Variants in CTNNA2 observed in about 807,000 individuals in gnomAD.
The protein encoded by CTNNA2 is catenin alpha 2.
A neutral mutation model predicts 101.0 loss-of-function variants in CTNNA2; 42 were observed. The ratio of observed to expected loss-of-function variants is 0.42; its 90% confidence interval spans 0.32 to 0.54. CTNNA2 has a LOEUF of 0.54. Ranked by LOEUF, CTNNA2 falls within the 20% of genes least tolerant of loss-of-function variation. The pLI, the probability that CTNNA2 is intolerant of heterozygous loss-of-function variation, is 0.14. For synonymous variants in CTNNA2, 450 were observed against 456.4 expected (o/e 0.99, Z 0.18); for missense variants, 871 against 1,223.1 (o/e 0.71, Z 4.29).
chr2:79,982,330 C>T (rs6741043), intron 7 of CTNNA2, among the ~76,000 whole-genome samples: 52,357 of 128,174 alleles, frequency 0.41, 10,814 homozygotes, highest in East Asian at 0.54. Context: ...ATATAACACA[C>T]ATATAAAACA....
intron 3 of CTNNA2, among the ~76,000 whole-genome samples, chr2:79,351,466 A>G (rs1459529427): frequency 6.6e-6 from 1 of 152,158 alleles, no homozygotes; most frequent in Non-Finnish European, 1.5e-5. Flanking sequence ...TCGGGGGTAC[A>G]TGTGCATGTT....
intron 14 of CTNNA2, among the ~76,000 whole-genome samples, chr2:80,583,851 G>A (rs1695746817): frequency 6.6e-6 from 1 of 152,112 alleles, no homozygotes. Context: ...TCACACTAGT[G>A]TCTTTTCTGA....
At chr2:79,755,060 T>C (rs1672304690) in intron 3 of CTNNA2, among the ~76,000 whole-genome samples, 1 of 152,042 alleles carries the variant, frequency 6.6e-6, no homozygotes, top group Non-Finnish European at 1.5e-5. Context: ...GTACAGTGGC[T>C]CATACCTGTA....
rs144809528 is a variant in CTNNA2 at position 80,531,661 on chromosome 2, ATTTG to A, written c.1291-13309_1291-13306del. On this transcript the variant is annotated intron_variant, in intron 9 of 18. Coordinates refer to ENST00000402739, the MANE Select transcript of CTNNA2 (RefSeq NM_001282597.3). ...CATGCCTATCTCCTCCTGGTTTTTTATTTGTTTGTTTGTTTTCTGGCCCCAGAAC... is the reference window on the plus strand; with the variant it reads ...CATGCCTATCTCCTCCTGGTTTTTTATTTGTTTGTTTTCTGGCCCCAGAAC... Among the ~76,000 whole-genome samples, 62 of 151,812 alleles carry A rather than the reference ATTTG, an allele frequency of 4.1e-4. 1 individual carries two copies. The East Asian group carries it at 9.5e-3, about 23-fold the overall frequency.
At chr2:79,833,144 A>G (rs1679055145) in intron 3 of CTNNA2, among the ~76,000 whole-genome samples, 1 of 152,212 alleles carries the variant, frequency 6.6e-6, no homozygotes, top group Non-Finnish European at 1.5e-5. Context: ...TCAAAAGCTC[A>G]ATATTCCAAT....
intron 15 of CTNNA2, among the ~76,000 whole-genome samples, chr2:80,596,385 C>T (rs1368447474): frequency 7.4e-6 from 1 of 135,948 alleles, no homozygotes; most frequent in African/African-American, 2.7e-5. Context: ...TCTCGGCTCA[C>T]TGCAAGCTCC....
In CTNNA2 at chr2:80,232,345, G is replaced by GTTTTTTTTTTTTTTTTTTTTTTTTTTTT. The variant is rs61454985; in HGVS notation, c.1057-160850_1057-160823dup. Among the ~76,000 whole-genome samples the GTTTTTTTTTTTTTTTTTTTTTTTTTTTT allele has an allele frequency of 5.9e-4, 38 of 64,814 alleles. 3 individuals are homozygous for GTTTTTTTTTTTTTTTTTTTTTTTTTTTT. Among genetic ancestry groups the GTTTTTTTTTTTTTTTTTTTTTTTTTTTT allele is most frequent in the South Asian group, 6.7e-4 (1 of 1,496 alleles). 42.5% of individuals were successfully genotyped at this position (64,814 alleles called of 152,430 possible). A position where few individuals can be genotyped will look rare whatever the true frequency, so the allele number is the denominator to read the frequency against. ...GTTTTGTTTGTTTGTTTGTTTGTTT[G>GTTTTTTTTTTTTTTTTTTTTTTTTTTTT]TTTTTTTTTTTTTTTTTTTTTTTTT... On this transcript the variant is annotated intron_variant, in intron 7 of 18. Coordinates refer to ENST00000402739, the MANE Select transcript of CTNNA2 (RefSeq NM_001282597.3).
chr2:80,217,125 C>A (rs1391114927), intron 7 of CTNNA2, among the ~76,000 whole-genome samples: 1 of 152,056 alleles, frequency 6.6e-6, no homozygotes, highest in Non-Finnish European at 1.5e-5. Context: ...AGCCACCGAG[C>A]CCAGCCTATT....
At chr2:79,505,955 A>G (rs956805959) in intron 5 of CTNNA2, among the ~76,000 whole-genome samples, 3 of 152,196 alleles carry the variant, frequency 2.0e-5, no homozygotes, top group Non-Finnish European at 2.9e-5. Context: ...GAATGAATCA[A>G]TGTGCCAGAG....
intron 7 of CTNNA2, among the ~76,000 whole-genome samples, chr2:80,208,836 T>G (rs1433713173): frequency 6.6e-6 from 1 of 152,178 alleles, no homozygotes; most frequent in African/African-American, 2.4e-5. Flanking sequence ...CCATTTCTAA[T>G]ATTTGTTATG....
At chr2:80,361,314 C>A (rs1026957309) in intron 7 of CTNNA2, among the ~76,000 whole-genome samples, 3 of 152,028 alleles carry the variant, frequency 2.0e-5, no homozygotes, top group Admixed American at 1.3e-4. Flanking sequence ...AAACAACAAC[C>A]ATAACTTTAC....
At chr2:80,275,393 AT>A (rs1673818553) in intron 7 of CTNNA2, among the ~76,000 whole-genome samples, 1 of 152,232 alleles carries the variant, frequency 6.6e-6, no homozygotes, top group African/African-American at 2.4e-5. Flanking sequence ...TTACCATTTG[AT>A]TTAATTAAAT....
intron 9 of CTNNA2, among the ~76,000 whole-genome samples, chr2:80,426,257 A>G (rs1202964647): frequency 6.6e-6 from 1 of 152,188 alleles, no homozygotes; most frequent in Non-Finnish European, 1.5e-5. Flanking sequence ...CTCAGCAGCA[A>G]AGCAGTTCGG....
intron 3 of CTNNA2, among the ~76,000 whole-genome samples, chr2:79,784,779 A>T (rs886068545): frequency 1.6e-4 from 24 of 149,968 alleles, no homozygotes; most frequent in Non-Finnish European, 2.5e-4. Flanking sequence ...TATATATATA[A>T]AAACATGGAT....
At chr2:80,401,276 A>T (rs1347750541) in intron 8 of CTNNA2, among the ~76,000 whole-genome samples, 1 of 152,184 alleles carries the variant, frequency 6.6e-6, no homozygotes. Context: ...CCCTGTCTGT[A>T]GTCACCGCAC....
chr2:79,727,903 G>T (rs958440614), intron 2 of CTNNA2, among the ~76,000 whole-genome samples: 3 of 151,928 alleles, frequency 2.0e-5, no homozygotes, highest in Non-Finnish European at 2.9e-5. Context: ...CAAAGGACAT[G>T]AACTCATCAT....
At chr2:79,788,176 C>T (rs577325168) in intron 3 of CTNNA2, among the ~76,000 whole-genome samples, 5 of 152,118 alleles carry the variant, frequency 3.3e-5, no homozygotes, top group Admixed American at 6.6e-5. Flanking sequence ...TCAGTGCTTT[C>T]CAAGCAGGTG....
chr2:79,272,191 T>C (rs973365264), intron 2 of CTNNA2, among the ~76,000 whole-genome samples: 2 of 152,074 alleles, frequency 1.3e-5, no homozygotes, highest in African/African-American at 4.8e-5. Context: ...AACTGACTAC[T>C]GTGCTAAAAA....
At chr2:80,237,523 T>C (rs1709609523) in intron 7 of CTNNA2, among the ~76,000 whole-genome samples, 1 of 152,108 alleles carries the variant, frequency 6.6e-6, no homozygotes, top group Non-Finnish European at 1.5e-5. Flanking sequence ...TTCTTGGCAA[T>C]AGTAGTAGGA....
Sources: allele counts gnomAD v4.1 joint callset (sites outside exome capture counted in the v4.1 genomes callset), GRCh38; gene constraint gnomAD v4.1.1; transcripts MANE v1.5; gene names NCBI Gene and HGNC (gene_info 2026-07-23, HGNC 2026-07-21).